The following LRRC36 variants were observed in gnomAD, a reference collection of about 807,000 sequenced individuals.
LRRC36 encodes the protein leucine rich repeat containing 36, also known as leucine-rich repeat-containing protein 36.
Under a neutral mutation model 81.1 loss-of-function variants are expected in LRRC36, and 62 were observed. That is an observed-to-expected ratio of 0.76 (90% CI 0.62 to 0.94). LRRC36 has a LOEUF of 0.94. Among genes scored for constraint, LRRC36 ranks in the 40% least tolerant of loss-of-function variants. The pLI is 0.00. For synonymous variants in LRRC36, 334 were observed against 348.6 expected (o/e 0.96, Z 0.47); for missense variants, 761 against 881.7 (o/e 0.86, Z 1.73).
rs375597301 is a variant in LRRC36 at position 67,347,608 on chromosome 16, C to T, written c.488+17C>T. 1.9e-6 allele frequency: 3 copies of T among 1,588,806 alleles called. No individual in the cohort carries two copies. The highest frequency in any genetic ancestry group is 2.7e-5 in the African/African-American group (2 of 74,262). On this transcript the variant is annotated intron_variant, in intron 4 of 13. Transcript: ENST00000329956. ...GGAAAAAAGGTAAGAAGATTCTTTA[C>T]AAAATTTTTAAAGTTTGGTTCTGGA...
intron 9 of LRRC36, 117 bp downstream of exon 9, chr16:67,371,359 T>A (rs766204311): frequency 7.9e-7 from 1 of 1,261,946 alleles, no homozygotes; most frequent in South Asian, 1.2e-5. Flanking sequence ...TCAAAGAGAT[T>A]TTCAGAGGCT....
chr16:67,373,096 G>A (rs2039724421), intron 9 of LRRC36, among the ~76,000 whole-genome samples: 2 of 152,126 alleles, frequency 1.3e-5, no homozygotes, highest in Admixed American at 6.5e-5. Context: ...GCTCACACCT[G>A]TAATCCCAAC....
intron 1 of LRRC36, among the ~76,000 whole-genome samples, chr16:67,329,378 C>A (rs2037363102): frequency 6.6e-6 from 1 of 152,188 alleles, no homozygotes; most frequent in African/African-American, 2.4e-5. Context: ...GCAACCTCTG[C>A]CTCCAGGGTT....
At position 67,367,331 on chromosome 16, in the gene LRRC36, T is replaced by C; in HGVS notation, c.1069T>C (p.Tyr357His). The part of the protein sequence containing the change: ...LGKRPQRSKN[Y>H]QEYSIKPSND... ...TAAAAGGCCTCAGAGAAGCAAGAAC[T>C]ATCAAGAGTATAGCATAAAGCCTTC... Residue 357 changes from tyrosine (Y) to histidine (H), a missense_variant, in exon 8 of 14, where the codon TAT becomes CAT. This residue lies in a region of LRRC36 where 139 missense variants were observed against 214.0 expected (regional missense o/e 0.65). Coordinates refer to ENST00000329956, the MANE Select transcript of LRRC36 (RefSeq NM_018296.6). 6.2e-7 allele frequency: 1 copy of C among 1,614,110 alleles called. No individual in the cohort carries two copies.
intron 5 of LRRC36, among the ~76,000 whole-genome samples, chr16:67,353,719 T>C (rs570335983): frequency 1.6e-4 from 25 of 152,286 alleles, no homozygotes; most frequent in South Asian, 1.2e-3. Flanking sequence ...TGGTTAATTA[T>C]CTCAGTTAAT....
In LRRC36 at chr16:67,370,375, C is replaced by A. The variant is rs1162695497; in HGVS notation, c.1196-569C>A. Among the ~76,000 whole-genome samples the A allele has an allele frequency of 2.6e-5, 4 of 152,100 alleles. No individual in the cohort carries two copies. In the East Asian group the frequency reaches 7.7e-4, roughly 29 times the overall value. On this transcript the variant is annotated intron_variant, in intron 8 of 13. Transcript: ENST00000329956. ...TATTAGGAGATGCCGGGCACAGTGG[C>A]TCACACCTGTAATCCCAGCACTTTG...
In LRRC36 at chr16:67,384,991, G is replaced by A; in HGVS notation, c.2167G>A (p.Gly723Arg). 1 of 1,614,182 alleles carries A rather than the reference G, an allele frequency of 6.2e-7. No homozygotes were observed. Among genetic ancestry groups the A allele is most frequent in the Non-Finnish European group, 8.5e-7 (1 of 1,180,038 alleles). Residue 723 changes from glycine to arginine, a missense_variant, in exon 14 of 14, where the codon GGG (glycine) becomes AGG (arginine). Physicochemically the swap from Gly to Arg is moderately radical, Grantham distance 125. Coordinates refer to ENST00000329956, the MANE Select transcript of LRRC36 (RefSeq NM_018296.6). ...TCATCTGGGGAGATCATCGCCCTTTGGGAAAAGCACGTTGTCTTCCTCCTC... is the reference window on the plus strand; with the variant it reads ...TCATCTGGGGAGATCATCGCCCTTTAGGAAAAGCACGTTGTCTTCCTCCTC... ...GHHLGRSSPF[G>R]KSTLSSSSPV... is the part of the protein sequence containing the mutation.
intron 5 of LRRC36, 87 bp downstream of exon 5, chr16:67,350,377 T>G (rs1440596320): frequency 9.0e-7 from 1 of 1,108,296 alleles, no homozygotes; most frequent in East Asian, 2.4e-5. Flanking sequence ...TGAAGACACA[T>G]AGTTGAGAAA....
intron 5 of LRRC36, among the ~76,000 whole-genome samples, chr16:67,363,231 G>A (rs948768313): frequency 1.3e-5 from 2 of 152,174 alleles, no homozygotes; most frequent in Non-Finnish European, 2.9e-5. Context: ...TGGAGATTAT[G>A]GAATTGGTAT....
At chr16:67,381,025 A>G (rs762011133) in intron 12 of LRRC36, among the ~76,000 whole-genome samples, 9 of 152,132 alleles carry the variant, frequency 5.9e-5, no homozygotes, top group Non-Finnish European at 1.0e-4. Context: ...GGAGTTTGAG[A>G]CCAGCCTGGC....
intron 1 of LRRC36, among the ~76,000 whole-genome samples, chr16:67,339,454 G>A (rs937282201): frequency 1.3e-5 from 2 of 152,092 alleles, no homozygotes; most frequent in African/African-American, 4.8e-5. Context: ...GTTTTCATTT[G>A]TGGATGTATC....
At chr16:67,355,432 T>C (rs920486059) in intron 5 of LRRC36, among the ~76,000 whole-genome samples, 4 of 136,960 alleles carry the variant, frequency 2.9e-5, no homozygotes, top group African/African-American at 5.4e-5. Flanking sequence ...TGGAGTGCAG[T>C]GGCGGGATCT....
intron 9 of LRRC36, among the ~76,000 whole-genome samples, chr16:67,372,439 A>T (rs1450287139): frequency 1.3e-5 from 2 of 152,238 alleles, no homozygotes; most frequent in East Asian, 3.9e-4. Context: ...TCACTTCTTA[A>T]CAAGTTTTGC....
At chr16:67,372,036 A>G (rs999096633) in intron 9 of LRRC36, 1 of 152,248 alleles carries the variant, frequency 6.6e-6, no homozygotes, top group Non-Finnish European at 1.5e-5. Context: ...ATTCCCACAT[A>G]AACAATATAC....
chr16:67,337,524 AT>A (rs1047877342), intron 1 of LRRC36, among the ~76,000 whole-genome samples: 5 of 151,112 alleles, frequency 3.3e-5, no homozygotes, highest in Admixed American at 2.0e-4. Flanking sequence ...GGCCAAGATA[AT>A]TTTTTTGTAT....
chr16:67,381,337 T>C (rs2040104553), intron 12 of LRRC36, among the ~76,000 whole-genome samples: 2 of 152,002 alleles, frequency 1.3e-5, no homozygotes. Context: ...TGGTAGTATA[T>C]TGGGGAAGCT....
intron 1 of LRRC36, among the ~76,000 whole-genome samples, chr16:67,335,873 C>T (rs947910262): frequency 3.3e-5 from 5 of 152,044 alleles, no homozygotes; most frequent in South Asian, 4.1e-4. Context: ...GCTGGGATTA[C>T]GGGCATGTGC....
At chr16:67,365,141 T>C (rs2039324992) in intron 6 of LRRC36, 163 bp from the exon 7 acceptor site, 2 of 579,726 alleles carry the variant, frequency 3.4e-6, no homozygotes, top group Non-Finnish European at 3.1e-6. Context: ...TGTGACTGTT[T>C]TAAAATAGAC....
chr16:67,367,497 C>T (rs747186514), intron 8 of LRRC36, 40 bp downstream of exon 8: 3 of 1,511,282 alleles, frequency 2.0e-6, no homozygotes, highest in African/African-American at 1.4e-5. Flanking sequence ...TCTTCATAGG[C>T]ATGAAGATAG....
Sources: allele counts gnomAD v4.1 joint callset (sites outside exome capture counted in the v4.1 genomes callset), GRCh38; gene constraint gnomAD v4.1.1; regional missense constraint gnomAD v4.1.1; transcripts MANE v1.5; gene names NCBI Gene and HGNC (gene_info 2026-07-23, HGNC 2026-07-21).